The following PACRG variants were observed in gnomAD, a reference collection of about 807,000 sequenced individuals.
The protein encoded by PACRG is parkin coregulated.
Under a neutral mutation model 29.7 loss-of-function variants are expected in PACRG, and 29 were observed. That is an observed-to-expected ratio of 0.98 (90% CI 0.73 to 1.33). The LOEUF (loss-of-function observed/expected upper bound fraction) is 1.33. PACRG is among the 40% of genes most tolerant of loss of function. The pLI, the probability that PACRG is intolerant of heterozygous loss-of-function variation, is 0.00. For synonymous variants in PACRG, 116 were observed against 118.7 expected, an observed-to-expected ratio of 0.98 and a Z score of 0.15; for missense variants, 279 against 316.2, an observed-to-expected ratio of 0.88 and a Z score of 0.89.
In PACRG at chr6:163,117,086, CAGAA is replaced by C. The variant is rs377706326; in HGVS notation, c.613+27681_613+27684del. ...AGGTACAGCTAGGAAAGTGGAAAAT[CAGAA>C]AGCCAGGAGAGGAAAATCAGAAGTT... On this transcript the variant is annotated intron_variant, in intron 4 of 4. Coordinates refer to ENST00000366888, the MANE Select transcript of PACRG (RefSeq NM_001080379.2). Among the ~76,000 whole-genome samples the C allele has an allele frequency of 1.9e-3, 284 of 152,262 alleles. 1 individual carries two copies. Among genetic ancestry groups the C allele is most frequent in the African/African-American group, 6.6e-3 (276 of 41,552 alleles).
chr6:163,208,427 A>AG (rs1489413583), intron 4 of PACRG, among the ~76,000 whole-genome samples: 3 of 152,024 alleles, frequency 2.0e-5, no homozygotes, highest in Non-Finnish European at 4.4e-5. Context: ...TTTAAAAAAA[A>AG]AAGATTGTCA....
chr6:162,866,730 A>G (rs1792329410), intron 2 of PACRG, among the ~76,000 whole-genome samples: 1 of 152,220 alleles, frequency 6.6e-6, no homozygotes, highest in South Asian at 2.1e-4. Context: ...CAGTTACAAT[A>G]AAAGCCTAAA....
chr6:163,008,189 T>G (rs565107532), intron 2 of PACRG, among the ~76,000 whole-genome samples: 75 of 152,254 alleles, frequency 4.9e-4, no homozygotes, highest in African/African-American at 1.5e-3. Context: ...TGCACACTCA[T>G]GCTCACTCTC....
intron 1 of PACRG, among the ~76,000 whole-genome samples, chr6:162,751,118 T>C (rs1370545960): frequency 1.3e-5 from 2 of 152,148 alleles, no homozygotes; most frequent in Non-Finnish European, 2.9e-5. Context: ...TTTTTATTTG[T>C]GTTTATGCAT....
chr6:162,791,778 G>C (rs1281106331), intron 1 of PACRG, among the ~76,000 whole-genome samples: 1 of 152,138 alleles, frequency 6.6e-6, no homozygotes, highest in Non-Finnish European at 1.5e-5. Flanking sequence ...AATGCAGAAG[G>C]TAATGTGTAG....
At chr6:162,810,235 G>A (rs1786728368) in intron 1 of PACRG, among the ~76,000 whole-genome samples, 1 of 152,160 alleles carries the variant, frequency 6.6e-6, no homozygotes, top group South Asian at 2.1e-4. Context: ...TCTGGGGTCA[G>A]CAGACGCCAA....
At chr6:163,015,462 C>A (rs1806007296) in intron 2 of PACRG, among the ~76,000 whole-genome samples, 1 of 152,052 alleles carries the variant, frequency 6.6e-6, no homozygotes, top group Non-Finnish European at 1.5e-5. Flanking sequence ...TTTAATGATA[C>A]CAATTCTGCT....
chr6:163,088,120 G>C (rs1386813726), intron 3 of PACRG, among the ~76,000 whole-genome samples: 1 of 152,172 alleles, frequency 6.6e-6, no homozygotes, highest in Non-Finnish European at 1.5e-5. Context: ...GCAAGATCCA[G>C]GCTGATGGAA....
intron 4 of PACRG, among the ~76,000 whole-genome samples, chr6:163,231,392 C>A (rs749369923): frequency 6.6e-5 from 10 of 152,204 alleles, no homozygotes; most frequent in Non-Finnish European, 1.0e-4. Context: ...TGCCCATACC[C>A]TTTATAAAGC....
chr6:162,730,809 T>G (rs1329928976), intron 1 of PACRG, among the ~76,000 whole-genome samples: 1 of 152,204 alleles, frequency 6.6e-6, no homozygotes, highest in African/African-American at 2.4e-5. Context: ...ATATTCAAAT[T>G]CACATTTTTA....
intron 2 of PACRG, among the ~76,000 whole-genome samples, chr6:162,874,377 T>TCATCC (rs1793111208): frequency 1.3e-5 from 2 of 152,188 alleles, no homozygotes; most frequent in African/African-American, 4.8e-5. Context: ...TTTAGGGTTT[T>TCATCC]GGGCTAGGGC....
At chr6:162,965,883 G>A (rs1800980410) in intron 2 of PACRG, among the ~76,000 whole-genome samples, 1 of 152,232 alleles carries the variant, frequency 6.6e-6, no homozygotes, top group East Asian at 1.9e-4. Context: ...TGAGAATAAG[G>A]AGGCTAAAGC....
At chr6:162,727,759 T>C, upstream of PACRG, 1 of 1,366,318 alleles carries the variant, frequency 7.3e-7, no homozygotes, top group Non-Finnish European at 1.0e-6. Flanking sequence ...TCTCCTGGGT[T>C]AAATCCTCCA....
At chr6:163,293,379 C>T (rs556713797) in intron 4 of PACRG, among the ~76,000 whole-genome samples, 6 of 152,252 alleles carry the variant, frequency 3.9e-5, no homozygotes, top group African/African-American at 1.2e-4. Context: ...CCCTTAGCTC[C>T]GTGCAGGTAA....
At chr6:163,168,557 A>AG (rs1778926296) in intron 4 of PACRG, among the ~76,000 whole-genome samples, 1 of 68,682 alleles carries the variant, frequency 1.5e-5, no homozygotes, top group African/African-American at 6.9e-5. Context: ...CTATTCTAAT[A>AG]AAACAACAAC....
At chr6:163,169,756 G>A (rs1046468390) in intron 4 of PACRG, among the ~76,000 whole-genome samples, 2 of 152,204 alleles carry the variant, frequency 1.3e-5, no homozygotes, top group Non-Finnish European at 2.9e-5. Flanking sequence ...GGCGGGGAGG[G>A]GCCATACAGA....
intron 2 of PACRG, among the ~76,000 whole-genome samples, chr6:162,982,280 C>G (rs1410721187): frequency 2.0e-5 from 3 of 151,544 alleles, no homozygotes; most frequent in Non-Finnish European, 4.4e-5. Flanking sequence ...ATATTGTTTT[C>G]TTTTTGTTTC....
chr6:163,023,371 C>T (rs1056222924), intron 2 of PACRG, among the ~76,000 whole-genome samples: 1 of 152,160 alleles, frequency 6.6e-6, no homozygotes, highest in African/African-American at 2.4e-5. Context: ...TAATGACCTC[C>T]AGCTCTATTT....
intron 4 of PACRG, among the ~76,000 whole-genome samples, chr6:163,224,134 C>T (rs1356274100): frequency 6.6e-6 from 1 of 151,890 alleles, no homozygotes; most frequent in Non-Finnish European, 1.5e-5. Context: ...TTTAGGAGGC[C>T]AAGGTGGGAA....
Sources: gnomAD v4.1 joint callset for allele counts (sites outside exome capture counted in the v4.1 genomes callset) on GRCh38, gnomAD v4.1.1 for gene constraint, MANE v1.5 for transcripts, NCBI Gene and HGNC (gene_info 2026-07-23, HGNC 2026-07-21) for gene names.